NPHP1: variants seen among roughly 807,000 people sequenced by gnomAD.
The protein encoded by NPHP1 is nephrocystin 1, also known as nephrocystin-1.
In NPHP1, 70 loss-of-function variants were observed where a neutral mutation model predicts 90.4. The observed-to-expected ratio is 0.77, with a 90% confidence interval of 0.64 to 0.95. NPHP1 has a LOEUF of 0.95. NPHP1 is among the 40% of genes least tolerant of loss of function. The probability of loss-of-function intolerance (pLI) is 0.00; values close to 1 mark genes in which losing one functional copy is unlikely to be tolerated. For synonymous variants in NPHP1, 256 were observed against 271.7 expected (o/e 0.94, Z 0.57); for missense variants, 764 against 795.9 (o/e 0.96, Z 0.48).
At chr2:110,143,671 A>G in intron 15 of NPHP1, 30 bp from the exon 16 acceptor site, 3 of 1,452,408 alleles carry the variant, frequency 2.1e-6, no homozygotes, top group Non-Finnish European at 2.9e-6. Flanking sequence ...GTAACTCACG[A>G]AACTTTAAGT....
intron 4 of NPHP1, among the ~76,000 whole-genome samples, chr2:110,174,762 G>A (rs1683395970): frequency 6.6e-6 from 1 of 151,182 alleles, no homozygotes; most frequent in African/African-American, 2.4e-5. Context: ...CTCTCATACA[G>A]GAAAGTGTCC....
At chr2:110,125,397 A>G in intron 19 of NPHP1, 2 of 1,400,076 alleles carry the variant, frequency 1.4e-6, no homozygotes, top group African/African-American at 1.5e-5. Context: ...CTTCCCCTTT[A>G]TTTAAATAAA....
At chr2:110,180,167 AT>A (rs1683786241) in intron 2 of NPHP1, among the ~76,000 whole-genome samples, 1 of 152,150 alleles carries the variant, frequency 6.6e-6, no homozygotes, top group Admixed American at 6.5e-5. Context: ...CCAAGTCCAC[AT>A]AGCTGCTCAA....
At chr2:110,180,739 C>G (rs1352081021) in intron 2 of NPHP1, among the ~76,000 whole-genome samples, 1 of 152,086 alleles carries the variant, frequency 6.6e-6, no homozygotes, top group Non-Finnish European at 1.5e-5. Context: ...AAAGGAACCC[C>G]CATCCCCAAC....
At chr2:110,155,081 A>G (rs1240080260) in intron 11 of NPHP1, among the ~76,000 whole-genome samples, 1 of 151,686 alleles carries the variant, frequency 6.6e-6, no homozygotes, top group Non-Finnish European at 1.5e-5. Context: ...TAGTCTAGGG[A>G]CTTGGTGCCC....
intron 2 of NPHP1, chr2:110,184,196 C>T: frequency 1.8e-6 from 1 of 566,642 alleles, no homozygotes; most frequent in Non-Finnish European, 3.5e-6. Flanking sequence ...ATATTCGTAT[C>T]ATGGCAGGAG....
At chr2:110,151,874 C>A (rs975999514) in intron 11 of NPHP1, among the ~76,000 whole-genome samples, 1 of 152,140 alleles carries the variant, frequency 6.6e-6, no homozygotes, top group Non-Finnish European at 1.5e-5. Flanking sequence ...AAATCCTATA[C>A]TACCTCTGCT....
At chr2:110,143,772 A>G in intron 15 of NPHP1, 131 bp from the exon 16 acceptor site, 1 of 703,542 alleles carries the variant, frequency 1.4e-6, no homozygotes, top group Non-Finnish European at 2.5e-6. Context: ...AGTCATCCAT[A>G]TACCCTAAAT....
chr2:110,173,604 G>A (rs1328428414), intron 4 of NPHP1, among the ~76,000 whole-genome samples: 6 of 152,116 alleles, frequency 3.9e-5, no homozygotes, highest in Non-Finnish European at 7.4e-5. Flanking sequence ...TTACAATTGT[G>A]TACAGTATTC....
intron 11 of NPHP1, among the ~76,000 whole-genome samples, chr2:110,158,481 T>C (rs1442244857): frequency 1.3e-5 from 2 of 152,096 alleles, no homozygotes; most frequent in African/African-American, 4.8e-5. Context: ...TTATTTCTTG[T>C]GTGTTAAATT....
intron 7 of NPHP1, 131 bp downstream of exon 7, chr2:110,164,921 C>T (rs953538119): frequency 1.8e-5 from 16 of 884,774 alleles, no homozygotes; most frequent in Non-Finnish European, 2.8e-5. Flanking sequence ...TTTAAGCAGA[C>T]AATAGTATGA....
Position 110,178,487 on chromosome 2 carries a change from A to G in NPHP1, c.265T>C (p.Leu89=), listed in dbSNP as rs1031432993. 6.2e-7 allele frequency: 1 copy of G among 1,613,742 alleles called. No homozygotes were observed. The highest frequency in any genetic ancestry group is 8.5e-7 in the Non-Finnish European group (1 of 1,179,710). Reference sequence around the variant, plus strand: ...TGCAGTTGTTGGGTAAGCTTGTCCAAAAGAGTATGCTCCTCTTCTTTTCTC... The same window carrying G: ...TGCAGTTGTTGGGTAAGCTTGTCCAGAAGAGTATGCTCCTCTTCTTTTCTC... ...NQRKEEEHTL[L]DKLTQQLQGL... Residue 89 remains leucine (L), a synonymous_variant, in exon 4 of 20, where the codon TTG becomes CTG. Coordinates refer to ENST00000445609, the MANE Select transcript of NPHP1 (RefSeq NM_001128178.3).
chr2:110,193,252 C>T (rs1488985231), intron 2 of NPHP1, among the ~76,000 whole-genome samples: 1 of 152,086 alleles, frequency 6.6e-6, no homozygotes, highest in African/African-American at 2.4e-5. Flanking sequence ...GTGTTGTATT[C>T]AGGAAACCCA....
At chr2:110,154,637 T>C (rs999114289) in intron 11 of NPHP1, among the ~76,000 whole-genome samples, 1 of 152,036 alleles carries the variant, frequency 6.6e-6, no homozygotes, top group Non-Finnish European at 1.5e-5. Context: ...GGAGAAAAGG[T>C]GACTCTTGTT....
At chr2:110,152,797 G>A (rs949156687) in intron 11 of NPHP1, among the ~76,000 whole-genome samples, 1 of 151,718 alleles carries the variant, frequency 6.6e-6, no homozygotes, top group Non-Finnish European at 1.5e-5. Flanking sequence ...GTTCTGAACT[G>A]GGGTTGGGAG....
intron 11 of NPHP1, among the ~76,000 whole-genome samples, chr2:110,158,543 G>A (rs1033795896): frequency 1.3e-5 from 2 of 151,932 alleles, no homozygotes; most frequent in Admixed American, 6.6e-5. Context: ...CTTGGTGAAC[G>A]ATCTCTTTTA....
chr2:110,139,444 G>T (rs1042408600), intron 16 of NPHP1, among the ~76,000 whole-genome samples: 1 of 152,138 alleles, frequency 6.6e-6, no homozygotes, highest in Non-Finnish European at 1.5e-5. Flanking sequence ...ATGTTGACAA[G>T]GTCGCCATGA....
At chr2:110,184,000 T>C in intron 2 of NPHP1, 1 of 370,142 alleles carries the variant, frequency 2.7e-6, no homozygotes, top group Non-Finnish European at 5.4e-6. Context: ...AATTCATGAA[T>C]GGCACTAGCG....
chr2:110,170,897 G>A (rs1177747251), intron 4 of NPHP1, among the ~76,000 whole-genome samples: 1 of 152,076 alleles, frequency 6.6e-6, no homozygotes, highest in African/African-American at 2.4e-5. Flanking sequence ...GTAGGGCAAG[G>A]CTTAAGGAAA....
Sources: allele counts gnomAD v4.1 joint callset (sites outside exome capture counted in the v4.1 genomes callset), GRCh38; gene constraint gnomAD v4.1.1; transcripts MANE v1.5; gene names NCBI Gene and HGNC (gene_info 2026-07-23, HGNC 2026-07-21).